The following SERINC5 variants were observed in gnomAD, a reference collection of about 807,000 sequenced individuals.
SERINC5 encodes the protein chromosome 5 open reading frame 12.
A neutral mutation model predicts 63.1 loss-of-function variants in SERINC5; 41 were observed. The observed-to-expected ratio is 0.65, with a 90% CI of 0.51 to 0.84. The LOEUF (loss-of-function observed/expected upper bound fraction) is 0.84. SERINC5 is among the 40% of genes least tolerant of loss of function. SERINC5 has a pLI of 0.00. For missense variants in SERINC5, 523 were observed against 573.0 expected (o/e 0.91, Z 0.89); for synonymous variants, 222 against 215.2 (o/e 1.03, Z -0.28).
intron 1 of SERINC5, among the ~76,000 whole-genome samples, chr5:80,251,461 A>G (rs902159761): frequency 3.9e-5 from 6 of 152,114 alleles, no homozygotes; most frequent in Non-Finnish European, 8.8e-5. Flanking sequence ...CCGGCGCAGT[A>G]GCTCATGCCT....
rs768690254 is a variant in SERINC5, at chr5:80,177,413, A to G, written c.375-16T>C. 6.3e-6 allele frequency: 10 copies of G among 1,597,398 alleles called. No homozygotes were observed. In the South Asian group the frequency reaches 8.8e-5, roughly 14 times the overall value. On this transcript the variant is annotated splice_polypyrimidine_tract_variant and intron_variant, in intron 3 of 11. Coordinates refer to ENST00000507668, the MANE Select transcript of SERINC5 (RefSeq NM_001174072.3). Reference sequence around the variant, plus strand: ...GAACCAAAAGCTAGAAGTGGGGGGAAAAAAAAGAGGAAATGTATTTAAATG... The same window carrying G: ...GAACCAAAAGCTAGAAGTGGGGGGAGAAAAAAGAGGAAATGTATTTAAATG...
Position 80,166,410 on chromosome 5 carries a change from C to T in SERINC5, c.832G>A (p.Ala278Thr), listed in dbSNP as rs1747304159. Reference sequence around the variant, plus strand: ...ACTTCTGCAGGTTTGCTGGACAGAGCTGAGAAGGTGAGGTAGGTGACATAG... The same window carrying T: ...ACTTCTGCAGGTTTGCTGGACAGAGTTGAGAAGGTGAGGTAGGTGACATAG... ...SCYVTYLTFS[A>T]LSSKPAEVVL... The change falls in exon 7 of 12, where the codon GCT becomes ACT. Residue 278 changes from alanine (A) to threonine (T), a missense_variant. Coordinates refer to ENST00000507668, the MANE Select transcript of SERINC5 (RefSeq NM_001174072.3). 6.3e-7 allele frequency: 1 copy of T among 1,592,670 alleles called. No individual in the cohort carries two copies. The highest frequency in any genetic ancestry group is 1.3e-5 in the African/African-American group (1 of 74,494).
chr5:80,222,747 T>A (rs1301873459), intron 1 of SERINC5, among the ~76,000 whole-genome samples: 1 of 152,048 alleles, frequency 6.6e-6, no homozygotes, highest in Non-Finnish European at 1.5e-5. Context: ...TAATTTTTTG[T>A]ATTTTTAGTA....
At chr5:80,158,098 G>C (rs1461358408) in intron 8 of SERINC5, 1 of 152,172 alleles carries the variant, frequency 6.6e-6, no homozygotes, top group East Asian at 1.9e-4. Context: ...CAGAAGTAAA[G>C]GCTAAATGTG....
intron 2 of SERINC5, among the ~76,000 whole-genome samples, chr5:80,179,380 A>G (rs1748274877): frequency 6.6e-6 from 1 of 152,380 alleles, no homozygotes; most frequent in Admixed American, 6.5e-5. Flanking sequence ...ATTCTTTTTC[A>G]TCACTATCTT....
intron 2 of SERINC5, among the ~76,000 whole-genome samples, chr5:80,192,872 C>T (rs374018152): frequency 3.3e-5 from 5 of 152,094 alleles, no homozygotes; most frequent in African/African-American, 9.7e-5. Flanking sequence ...CACGTGACTC[C>T]GAAGGTCAGC....
chr5:80,176,105 T>C (rs1158324151), intron 4 of SERINC5, among the ~76,000 whole-genome samples: 1 of 151,892 alleles, frequency 6.6e-6, no homozygotes, highest in Non-Finnish European at 1.5e-5. Flanking sequence ...CTTGAACCCG[T>C]GAGGCAGAGG....
At chr5:80,197,186 T>G (rs1010613932) in intron 2 of SERINC5, among the ~76,000 whole-genome samples, 3 of 151,584 alleles carry the variant, frequency 2.0e-5, no homozygotes, top group African/African-American at 4.9e-5. Flanking sequence ...CTGTCTCTAC[T>G]AAAATTATAA....
chr5:80,132,838 A>C (rs1175729978), intron 11 of SERINC5, among the ~76,000 whole-genome samples: 2 of 152,184 alleles, frequency 1.3e-5, no homozygotes, highest in Admixed American at 6.5e-5. Flanking sequence ...AGAACATGAA[A>C]TACTACTGGA....
intron 7 of SERINC5, among the ~76,000 whole-genome samples, chr5:80,160,983 T>C (rs201185624): frequency 1.4e-5 from 2 of 147,394 alleles, no homozygotes; most frequent in Non-Finnish European, 3.0e-5. Context: ...TGTATATATG[T>C]GTGTATATGT....
At chr5:80,228,986 C>CT (rs1213563554) in intron 1 of SERINC5, among the ~76,000 whole-genome samples, 2 of 122,902 alleles carry the variant, frequency 1.6e-5, no homozygotes, top group Admixed American at 1.8e-4. Flanking sequence ...CAGAGAATTT[C>CT]TTTTTTCTCA....
chr5:80,221,568 CT>C (rs1750908077), intron 1 of SERINC5, among the ~76,000 whole-genome samples: 1 of 152,054 alleles, frequency 6.6e-6, no homozygotes, highest in African/African-American at 2.4e-5. Flanking sequence ...GTTAGATGGC[CT>C]TTGTTTACTT....
chr5:80,181,192 T>C (rs2112428102), intron 2 of SERINC5, among the ~76,000 whole-genome samples: 1 of 152,266 alleles, frequency 6.6e-6, no homozygotes, highest in East Asian at 1.9e-4. Flanking sequence ...ATAAAGAGTT[T>C]GGGCAGTCCT....
At chr5:80,181,106 G>T (rs554150669) in intron 2 of SERINC5, among the ~76,000 whole-genome samples, 1 of 152,310 alleles carries the variant, frequency 6.6e-6, no homozygotes, top group Non-Finnish European at 1.5e-5. Flanking sequence ...GCTATCTACT[G>T]GGCAGGGGGG....
intron 1 of SERINC5, among the ~76,000 whole-genome samples, chr5:80,209,651 G>GAC (rs1750339527): frequency 6.6e-6 from 1 of 152,158 alleles, no homozygotes; most frequent in Non-Finnish European, 1.5e-5. Context: ...AAGAACAGGG[G>GAC]ACATCTATGA....
At chr5:80,126,356 C>T (rs1744749401) in intron 11 of SERINC5, among the ~76,000 whole-genome samples, 3 of 152,128 alleles carry the variant, frequency 2.0e-5, no homozygotes, top group African/African-American at 7.2e-5. Context: ...AGTTCCCTGC[C>T]AAAGAGAAAT....
chr5:80,252,388 C>A (rs1278784744), intron 1 of SERINC5, among the ~76,000 whole-genome samples: 5 of 151,992 alleles, frequency 3.3e-5, no homozygotes, highest in African/African-American at 1.2e-4. Flanking sequence ...AGCTAACTTC[C>A]CCCAACACTC....
intron 1 of SERINC5, among the ~76,000 whole-genome samples, chr5:80,224,541 G>C (rs891737903): frequency 3.9e-5 from 6 of 152,122 alleles, no homozygotes; most frequent in African/African-American, 1.2e-4. Context: ...TCCTTCCAAA[G>C]AAGGGAGAAA....
chr5:80,178,241 T>C (rs1748171944), intron 2 of SERINC5, among the ~76,000 whole-genome samples, 177 bp from the exon 3 acceptor site: 1 of 152,204 alleles, frequency 6.6e-6, no homozygotes, highest in South Asian at 2.1e-4. Flanking sequence ...GAATCTTTTT[T>C]AAAGATACAG....
Sources: gnomAD v4.1 joint callset for allele counts (sites outside exome capture counted in the v4.1 genomes callset) on GRCh38, gnomAD v4.1.1 for gene constraint, MANE v1.5 for transcripts, NCBI Gene and HGNC (gene_info 2026-07-23, HGNC 2026-07-21) for gene names.